CSNK2A1: variants seen among roughly 807,000 people sequenced by gnomAD.
The protein encoded by CSNK2A1 is casein kinase 2 alpha 1, also known as casein kinase II subunit alpha.
A neutral mutation model predicts 62.9 loss-of-function variants in CSNK2A1; 10 were observed. The ratio of observed to expected loss-of-function variants is 0.16; its 90% CI spans 0.10 to 0.27. The LOEUF (loss-of-function observed/expected upper bound fraction) is 0.27, where lower values mean the gene tolerates loss of function less well. Ranked by LOEUF, CSNK2A1 falls within the 10% of genes least tolerant of loss-of-function variation. The pLI is 1.00. For missense variants in CSNK2A1, 160 were observed against 492.0 expected (o/e 0.33, Z 6.38); for synonymous variants, 124 against 167.8 (o/e 0.74, Z 2.02).
chr20:527,137 A>T (rs1326587753), intron 2 of CSNK2A1, among the ~76,000 whole-genome samples: 1 of 152,182 alleles, frequency 6.6e-6, no homozygotes, highest in African/African-American at 2.4e-5. Flanking sequence ...AATGGAAATG[A>T]TACATCACTA....
intron 1 of CSNK2A1, among the ~76,000 whole-genome samples, chr20:541,952 CGGA>C (rs1555770910): frequency 6.6e-6 from 1 of 152,098 alleles, no homozygotes; most frequent in Non-Finnish European, 1.5e-5. Flanking sequence ...GAGAATACCA[CGGA>C]GGAGAACTAG....
intron 2 of CSNK2A1, among the ~76,000 whole-genome samples, chr20:524,512 G>T (rs902295203): frequency 5.3e-5 from 8 of 149,706 alleles, no homozygotes; most frequent in Non-Finnish European, 7.4e-5. Context: ...AGGAGTTTGA[G>T]ACCAGCCTGG....
At chr20:510,177 T>TC in intron 2 of CSNK2A1, 1 of 151,984 alleles carries the variant, frequency 6.6e-6, no homozygotes, top group East Asian at 1.9e-4. Flanking sequence ...CCTATTCTTT[T>TC]TTTTTTTTTT....
chr20:499,963 A>G lies in CSNK2A1; in HGVS notation c.214-29T>C, dbSNP rs775583313. On this transcript the variant is annotated intron_variant, in intron 4 of 13. Coordinates refer to ENST00000217244, the MANE Select transcript of CSNK2A1 (RefSeq NM_177559.3). This position sits in a 1 kb window ranked among gnomAD's most constrained non-coding sequence, Gnocchi z 4.2. The stretch of plus-strand genomic sequence containing the variant: ...AAAGGGGAAAAGTACATCAGCAAAA[A>G]AAAAAAAAAAAAATTTTTTCAGAGT... 31 of 1,535,284 alleles carry G rather than the reference A, an allele frequency of 2.0e-5. No homozygotes were observed. The highest frequency in any genetic ancestry group is 2.7e-5 in the Non-Finnish European group (30 of 1,129,384).
intron 9 of CSNK2A1, 115 bp downstream of exon 9, chr20:492,139 G>C: frequency 2.8e-6 from 2 of 724,348 alleles, no homozygotes; most frequent in Non-Finnish European, 2.3e-6. Flanking sequence ...AAGGACAGCT[G>C]TGAATGTGCA....
At chr20:503,579 C>T (rs1399436800) in intron 4 of CSNK2A1, 2 of 398,386 alleles carry the variant, frequency 5.0e-6, no homozygotes, top group Non-Finnish European at 8.8e-6. Flanking sequence ...TGAGGTGGTT[C>T]GTAGTTTCAA....
intron 4 of CSNK2A1, chr20:503,583 G>C: frequency 2.5e-6 from 1 of 398,566 alleles, no homozygotes; most frequent in Non-Finnish European, 4.4e-6. Context: ...GTGGTTCGTA[G>C]TTTCAACATT....
rs537650946 is a variant in CSNK2A1, at chr20:514,118, AG to A, written c.-109-5459del. Among the ~76,000 whole-genome samples, 227 of 152,236 alleles carry A rather than the reference AG, an allele frequency of 1.5e-3. 1 individual carries two copies. The highest frequency in any genetic ancestry group is 4.9e-3 in the African/African-American group (204 of 41,562). ...ATACCTATAATCCCAGCACTCTGGCAGGATCACTTGAGCCCAGGAGTTTGAG... is the reference window on the plus strand; with the variant it reads ...ATACCTATAATCCCAGCACTCTGGCAGATCACTTGAGCCCAGGAGTTTGAG... On this transcript the variant is annotated intron_variant, in intron 2 of 13. Transcript: ENST00000217244.
chr20:543,660 C>T lies in CSNK2A1; in HGVS notation c.-227+12G>A, dbSNP rs184272721. 353 of 398,176 alleles carry T rather than the reference C, an allele frequency of 8.9e-4. No homozygotes were observed. Among genetic ancestry groups the T allele is most frequent in the African/African-American group, 6.4e-3 (314 of 48,750 alleles). The allele number at this position is 398,176 out of a possible 1,614,324, so 24.7% of individuals were successfully genotyped here. On this transcript the variant is annotated intron_variant, in intron 1 of 13. Transcript: ENST00000217244. ...ACCCGCCAACGACCTCGCCTGGCTG[C>T]TCCCTAGGTACCTGTGGTGGAAGCG...
chr20:523,135 A>G (rs540546158), intron 2 of CSNK2A1, among the ~76,000 whole-genome samples: 8 of 152,342 alleles, frequency 5.3e-5, no homozygotes, highest in African/African-American at 1.9e-4. Context: ...TTGAAATGCT[A>G]AAGAGGATGA....
rs2017936611 is a variant in CSNK2A1, at chr20:480,492, C to A, written c.*3469G>T. ...GCAAGGTCACCAGGGAGTTTACATG[C>A]AAGTGGGGAGATACAAAATAATACA... On this transcript the variant is annotated 3_prime_UTR_variant, in exon 14 of 14. Transcript: ENST00000217244. 6.6e-6 allele frequency: 1 copy of A among 151,256 alleles called. No homozygotes were observed. Among genetic ancestry groups the A allele is most frequent in the Non-Finnish European group, 1.5e-5 (1 of 67,932 alleles). The allele number at this position is 151,256 out of a possible 1,614,324, so 9.4% of individuals were successfully genotyped here.
At chr20:527,234 T>A (rs2019117395) in intron 2 of CSNK2A1, among the ~76,000 whole-genome samples, 1 of 152,084 alleles carries the variant, frequency 6.6e-6, no homozygotes, top group South Asian at 2.1e-4. Flanking sequence ...AAAAATAATT[T>A]ATCAAAACTG....
intron 2 of CSNK2A1, among the ~76,000 whole-genome samples, chr20:521,873 G>C (rs1372403484): frequency 6.6e-6 from 1 of 152,166 alleles, no homozygotes; most frequent in Non-Finnish European, 1.5e-5. Flanking sequence ...ACAGGTGTGA[G>C]CTGCTACACC....
intron 2 of CSNK2A1, among the ~76,000 whole-genome samples, chr20:523,858 CAAA>C (rs11401840): frequency 4.4e-5 from 2 of 45,544 alleles, no homozygotes; most frequent in African/African-American, 9.2e-5. Context: ...GACTCCATCT[CAAA>C]AAAAAAAAAA....
intron 2 of CSNK2A1, among the ~76,000 whole-genome samples, 182 bp downstream of exon 2, chr20:527,751 C>A (rs1386880952): frequency 6.6e-6 from 1 of 152,160 alleles, no homozygotes; most frequent in East Asian, 1.9e-4. Context: ...ACTGCCCAGG[C>A]TGGTCTCAAA....
At chr20:505,469 C>T (rs2018558725) in intron 3 of CSNK2A1, among the ~76,000 whole-genome samples, 1 of 148,240 alleles carries the variant, frequency 6.7e-6, no homozygotes, top group Non-Finnish European at 1.5e-5. Flanking sequence ...ACACCATTCT[C>T]CTGCCTCAGC....
intron 4 of CSNK2A1, chr20:502,563 T>C (rs1339456842): frequency 2.6e-5 from 4 of 152,192 alleles, no homozygotes; most frequent in Non-Finnish European, 4.4e-5. Flanking sequence ...ATTTTAAATA[T>C]GGTTTACAAA....
chr20:484,682 C>G (rs2122494800), intron 13 of CSNK2A1, among the ~76,000 whole-genome samples: 1 of 146,814 alleles, frequency 6.8e-6, no homozygotes, highest in South Asian at 2.2e-4. Context: ...TTCCACCTCT[C>G]TAATCATGTT....
rs1285100498 is a variant in CSNK2A1 at position 492,235 on chromosome 20, C to T, written c.621+19G>A. ...AAATAAACACAGGATCAAAACTGTG[C>T]CTGCCCTTCTGTTCTTACCTGATAG... On this transcript the variant is annotated intron_variant, in intron 9 of 13. Transcript: ENST00000217244. The T allele has an allele frequency of 6.3e-7, 1 of 1,598,390 alleles. No individual in the cohort carries two copies. Among genetic ancestry groups the T allele is most frequent in the Admixed American group, 1.7e-5 (1 of 59,616 alleles).
Sources: gnomAD v4.1 joint callset for allele counts (sites outside exome capture counted in the v4.1 genomes callset) on GRCh38, gnomAD v4.1.1 for gene constraint, Gnocchi (gnomAD v3.1) non-coding constraint, MANE v1.5 for transcripts, NCBI Gene and HGNC (gene_info 2026-07-23, HGNC 2026-07-21) for gene names.